FERMT2: variants seen among roughly 807,000 people sequenced by gnomAD.
FERMT2 encodes fermitin family homolog 2.
FERMT2 carries 15 observed loss-of-function variants against 82.7 expected under a neutral mutation model. The ratio of observed to expected loss-of-function variants is 0.18; its 90% CI spans 0.12 to 0.28. The LOEUF is 0.28. Ranked by LOEUF, FERMT2 falls within the 10% of genes least tolerant of loss-of-function variation. FERMT2 has a pLI of 1.00. For missense variants in FERMT2, 645 were observed against 809.4 expected (o/e 0.80, Z 2.46); for synonymous variants, 274 against 271.5 (o/e 1.01, Z -0.09).
intron 3 of FERMT2, among the ~76,000 whole-genome samples, chr14:52,906,223 C>T (rs541325595): frequency 6.6e-6 from 1 of 152,198 alleles, no homozygotes; most frequent in Non-Finnish European, 1.5e-5. Flanking sequence ...AGAGAGTGCT[C>T]TGGAGGTCTG....
At chr14:52,877,185 T>C (rs1337845807) in intron 7 of FERMT2, among the ~76,000 whole-genome samples, 5 of 152,164 alleles carry the variant, frequency 3.3e-5, no homozygotes, top group African/African-American at 1.2e-4. Flanking sequence ...ACAATAACCA[T>C]AAACATGTAC....
At chr14:52,908,227 G>A (rs376957785) in intron 3 of FERMT2, among the ~76,000 whole-genome samples, 10 of 152,228 alleles carry the variant, frequency 6.6e-5, no homozygotes, top group African/African-American at 1.7e-4. Context: ...AGTACTGCCC[G>A]GCAGAATGCA....
At chr14:52,882,169 ATAG>A (rs1361408771) in intron 4 of FERMT2, among the ~76,000 whole-genome samples, 1 of 152,228 alleles carries the variant, frequency 6.6e-6, no homozygotes, top group Non-Finnish European at 1.5e-5. Context: ...GAATAATTTT[ATAG>A]TAAAGTCTTC....
chr14:52,883,850 C>T (rs1211085784), intron 4 of FERMT2, among the ~76,000 whole-genome samples: 1 of 152,104 alleles, frequency 6.6e-6, no homozygotes, highest in Non-Finnish European at 1.5e-5. Context: ...CCTCCCCACT[C>T]CCACCCCTAC....
rs774241384 is a variant in FERMT2, at chr14:52,858,548, G to A, written c.1872C>T (p.Val624=). The part of the protein sequence containing the change: ...QWNVNWEIKM[V]TVEFADEVRL... ...GTACTTCATCTGCAAACTCTACGGTGACCTGGAACAAAGACAAGAGCCATC... is the reference window on the plus strand; with the variant it reads ...GTACTTCATCTGCAAACTCTACGGTAACCTGGAACAAAGACAAGAGCCATC... The change falls in exon 15 of 15, where the codon GTC becomes GTT. Residue 624 remains valine, a splice_region_variant and synonymous_variant. Coordinates refer to ENST00000341590, the MANE Select transcript of FERMT2 (RefSeq NM_006832.3). The A allele has an allele frequency of 2.5e-6, 4 of 1,613,806 alleles. No individual in the cohort carries two copies. The highest frequency in any genetic ancestry group is 3.4e-6 in the Non-Finnish European group (4 of 1,179,804).
chr14:52,945,087 T>A (rs1385709230), intron 2 of FERMT2, among the ~76,000 whole-genome samples: 1 of 152,006 alleles, frequency 6.6e-6, no homozygotes, highest in Non-Finnish European at 1.5e-5. Flanking sequence ...TTTCTGTTTT[T>A]CTGTAGAAAC....
In FERMT2 at chr14:52,857,747, G is replaced by GAATACTAAAAGTGTAATACAA. The variant is rs1162246297; in HGVS notation, c.*609_*629dup. ...TTAGGCAGACAGTGATTATGCTGGTGAATACTAAAAGTGTAATACAATATG... is the reference window on the plus strand; with the variant it reads ...TTAGGCAGACAGTGATTATGCTGGTGAATACTAAAAGTGTAATACAAAATACTAAAAGTGTAATACAATATG... On this transcript the variant is annotated 3_prime_UTR_variant, in exon 15 of 15. Transcript: ENST00000341590. 2 of 152,560 alleles carry GAATACTAAAAGTGTAATACAA rather than the reference G, an allele frequency of 1.3e-5. No individual in the cohort carries two copies. Among genetic ancestry groups the GAATACTAAAAGTGTAATACAA allele is most frequent in the African/African-American group, 2.4e-5 (1 of 41,420 alleles). The allele number at this position is 152,560 out of a possible 1,614,324, so 9.5% of individuals were successfully genotyped here. A position where few individuals can be genotyped will look rare whatever the true frequency, so the allele number is the denominator to read the frequency against.
At position 52,908,972 on chromosome 14, in the gene FERMT2, G is replaced by A. The variant is rs778487376; in HGVS notation, c.391+10151C>T. ...GCCATTTCTCAGCCCTCTTGCTTGC[G>A]GCTAGCATAAGGAAACTGGAAAAGT... On this transcript the variant is annotated intron_variant, in intron 3 of 14. Transcript: ENST00000341590. Among the ~76,000 whole-genome samples, 29 of 152,148 alleles carry A rather than the reference G, an allele frequency of 1.9e-4. 1 individual carries two copies. In the East Asian group the frequency reaches 2.3e-3, roughly 12 times the overall value.
intron 3 of FERMT2, among the ~76,000 whole-genome samples, chr14:52,905,946 G>A (rs746999168): frequency 1.1e-4 from 17 of 152,084 alleles, no homozygotes; most frequent in Non-Finnish European, 2.5e-4. Context: ...AGTAAGTTGG[G>A]GTAACAGGAA....
chr14:52,911,073 C>A (rs1008913622), intron 3 of FERMT2, among the ~76,000 whole-genome samples: 1 of 152,118 alleles, frequency 6.6e-6, no homozygotes, highest in Admixed American at 6.6e-5. Context: ...AAAAAATAAA[C>A]CACTAATGTT....
intron 2 of FERMT2, among the ~76,000 whole-genome samples, chr14:52,947,862 G>C (rs1890434824): frequency 6.6e-6 from 1 of 152,162 alleles, no homozygotes; most frequent in Non-Finnish European, 1.5e-5. Context: ...GAGGGAATAG[G>C]TCATCCTGAG....
chr14:52,877,048 C>T (rs143565555), intron 7 of FERMT2, among the ~76,000 whole-genome samples: 8 of 152,232 alleles, frequency 5.3e-5, no homozygotes, highest in East Asian at 1.9e-4. Context: ...AAGATACACT[C>T]GGGGAGGTGG....
chr14:52,860,008 A>G (rs925841993), intron 13 of FERMT2: 14 of 265,262 alleles, frequency 5.3e-5, no homozygotes, highest in Admixed American at 2.0e-4. Flanking sequence ...TAGTAGAGAC[A>G]GGGTTTCACC....
intron 4 of FERMT2, among the ~76,000 whole-genome samples, chr14:52,889,432 G>A (rs1172798522): frequency 1.3e-5 from 2 of 152,166 alleles, no homozygotes; most frequent in African/African-American, 2.4e-5. Flanking sequence ...AGGGAACTGG[G>A]TGAAAAAGAA....
At chr14:52,862,928 G>A (rs1489365526) in intron 12 of FERMT2, 2 of 152,154 alleles carry the variant, frequency 1.3e-5, no homozygotes, top group Non-Finnish European at 2.9e-5. Context: ...GGCAGCTCTC[G>A]TTTAAGCTCT....
At chr14:52,861,201 G>C in intron 12 of FERMT2, 1 of 568,294 alleles carries the variant, frequency 1.8e-6, no homozygotes, top group Non-Finnish European at 3.1e-6. Flanking sequence ...CAAAGTAAAT[G>C]CAAGAATGAA....
intron 12 of FERMT2, chr14:52,863,758 C>T (rs565931993): frequency 6.6e-6 from 1 of 152,118 alleles, no homozygotes; most frequent in Admixed American, 6.5e-5. Context: ...GCTGGAAAAG[C>T]CAATTTCAAC....
At chr14:52,911,873 T>C (rs1305222502) in intron 3 of FERMT2, among the ~76,000 whole-genome samples, 7 of 152,172 alleles carry the variant, frequency 4.6e-5, no homozygotes, top group Admixed American at 3.9e-4. Flanking sequence ...TGTTTTCTTA[T>C]TTACTTTTGT....
At chr14:52,928,755 C>A (rs950041372) in intron 2 of FERMT2, among the ~76,000 whole-genome samples, 2 of 152,214 alleles carry the variant, frequency 1.3e-5, no homozygotes, top group Admixed American at 6.5e-5. Flanking sequence ...GCAGAAAACA[C>A]AGAAGCCATC....
Sources: allele counts gnomAD v4.1 joint callset (sites outside exome capture counted in the v4.1 genomes callset), GRCh38; gene constraint gnomAD v4.1.1; transcripts MANE v1.5; gene names NCBI Gene and HGNC (gene_info 2026-07-23, HGNC 2026-07-21).